Variants in DMD observed in about 807,000 individuals in gnomAD.
DMD encodes the protein mutant dystrophin.
In DMD, 63 loss-of-function variants were observed where a neutral mutation model predicts 330.1. The observed-to-expected ratio is 0.19, with a 90% CI of 0.16 to 0.24. The LOEUF (loss-of-function observed/expected upper bound fraction) is 0.24, where lower values mean the gene tolerates loss of function less well. Among genes scored for constraint, DMD ranks in the 10% least tolerant of loss-of-function variants. DMD has a pLI of 1.00. For missense variants in DMD, 3,344 were observed against 2,684.1 expected (o/e 1.25, Z -5.43); for synonymous variants, 1,223 against 959.8 (o/e 1.27, Z -5.07).
At chrX:32,432,591 T>A (rs1211503432) in intron 29 of DMD, among the ~76,000 whole-genome samples, 1 of 112,144 alleles carries the variant, frequency 8.9e-6, no homozygotes, top group East Asian at 2.8e-4. Flanking sequence ...TAATCAAATC[T>A]ATTTCATAAA....
chrX:32,966,626 T>C (rs2092166463), intron 2 of DMD, among the ~76,000 whole-genome samples: 1 of 111,760 alleles, frequency 8.9e-6, no homozygotes, highest in African/African-American at 3.3e-5. Context: ...TGCGACTTCA[T>C]GCAGACTGAA....
At chrX:31,386,091 C>T (rs1325841986) in intron 60 of DMD, among the ~76,000 whole-genome samples, 1 of 111,939 alleles carries the variant, frequency 8.9e-6, no homozygotes, top group African/African-American at 3.3e-5. Context: ...ATGGATGAAG[C>T]TGGAAACCAT....
intron 2 of DMD, among the ~76,000 whole-genome samples, chrX:32,900,439 G>A (rs12556872): frequency 0.019 from 2,093 of 111,194 alleles, 119 homozygotes; most frequent in Admixed American, 0.16. Context: ...GAATTTCTGG[G>A]CTCAAGCCAT....
chrX:33,020,864 A>G (rs1387702881), intron 1 of DMD, among the ~76,000 whole-genome samples: 1 of 110,801 alleles, frequency 9.0e-6, no homozygotes, highest in Non-Finnish European at 1.9e-5. Context: ...GCCTTTCCCC[A>G]TGCCATCCAC....
intron 44 of DMD, among the ~76,000 whole-genome samples, chrX:31,971,045 A>C (rs1403389368): frequency 1.8e-5 from 2 of 111,332 alleles, no homozygotes; most frequent in African/African-American, 6.5e-5. Context: ...GCGCATACAA[A>C]TCTCCTGGAG....
intron 47 of DMD, among the ~76,000 whole-genome samples, chrX:31,925,549 G>C (rs146304073): frequency 1.0e-3 from 113 of 111,481 alleles, no homozygotes; most frequent in African/African-American, 3.5e-3. Context: ...AACTGGGGCA[G>C]AAAAAGAGTG....
At chrX:31,505,287 T>C (rs1403470850) in intron 56 of DMD, among the ~76,000 whole-genome samples, 1 of 111,842 alleles carries the variant, frequency 8.9e-6, no homozygotes, top group Non-Finnish European at 1.9e-5. Context: ...TTGAAAATGC[T>C]ATTGCCATTG....
intron 1 of DMD, among the ~76,000 whole-genome samples, chrX:33,202,072 T>C (rs778455112): frequency 8.9e-6 from 1 of 112,287 alleles, no homozygotes; most frequent in South Asian, 3.7e-4. Flanking sequence ...ATCTCAGTTT[T>C]TATCTAAGAA....
At chrX:32,398,166 GA>G (rs747911406) in intron 30 of DMD, among the ~76,000 whole-genome samples, 31 of 106,659 alleles carry the variant, frequency 2.9e-4, no homozygotes, top group African/African-American at 8.8e-4. Context: ...TATTTTCATA[GA>G]AAAAAAATGT....
chrX:32,298,528 T>TATATATATATATA (rs1569556403), intron 42 of DMD, among the ~76,000 whole-genome samples: 1 of 109,969 alleles, frequency 9.1e-6, no homozygotes, highest in African/African-American at 3.4e-5. Flanking sequence ...TATATATATG[T>TATATATATATATA]CATGATTCAG....
intron 11 of DMD, among the ~76,000 whole-genome samples, chrX:32,634,307 C>A (rs2058941827): frequency 1.8e-5 from 2 of 111,655 alleles, no homozygotes; most frequent in African/African-American, 6.5e-5. Context: ...ACCCTAGGAG[C>A]CCACTTGATG....
At chrX:32,143,855 T>C (rs1309106255) in intron 44 of DMD, among the ~76,000 whole-genome samples, 3 of 109,815 alleles carry the variant, frequency 2.7e-5, no homozygotes, top group African/African-American at 9.9e-5. Flanking sequence ...CGGCCACAAA[T>C]ACATCTTTAT....
At chrX:32,651,149 T>C (rs75891000) in intron 9 of DMD, among the ~76,000 whole-genome samples, 1 of 109,298 alleles carries the variant, frequency 9.1e-6, no homozygotes, top group Non-Finnish European at 1.9e-5. Context: ...TTTTTTTTTT[T>C]CTGTTTTTTT....
chrX:32,056,077 T>C (rs761952533), intron 44 of DMD, among the ~76,000 whole-genome samples: 8 of 111,407 alleles, frequency 7.2e-5, no homozygotes, highest in Non-Finnish European at 1.3e-4. Flanking sequence ...ATTTGATAAA[T>C]TAAATGATAA....
chrX:31,702,748 T>A (rs776397414), intron 52 of DMD, among the ~76,000 whole-genome samples: 1 of 111,195 alleles, frequency 9.0e-6, no homozygotes, highest in Admixed American at 9.6e-5. Flanking sequence ...GCATTTTTTT[T>A]AAACTCCCCC....
chrX:32,875,959 C>T (rs1329651377), intron 2 of DMD, among the ~76,000 whole-genome samples: 2 of 111,477 alleles, frequency 1.8e-5, no homozygotes, highest in Non-Finnish European at 3.8e-5. Flanking sequence ...ATATTGATTA[C>T]CCCCAAACCA....
At chrX:32,570,235 G>A (rs1449467047) in intron 15 of DMD, among the ~76,000 whole-genome samples, 2 of 111,388 alleles carry the variant, frequency 1.8e-5, no homozygotes, top group Admixed American at 9.6e-5. Flanking sequence ...GGTGACAGAT[G>A]GTACCTGTTT....
intron 16 of DMD, among the ~76,000 whole-genome samples, chrX:32,561,980 C>G (rs2050966610): frequency 9.0e-6 from 1 of 111,574 alleles, no homozygotes; most frequent in African/African-American, 3.3e-5. Flanking sequence ...CTTTTCCAGA[C>G]AAGCAAATGT....
chrX:32,144,605 C>T (rs1448185846), intron 44 of DMD, among the ~76,000 whole-genome samples: 1 of 111,751 alleles, frequency 8.9e-6, no homozygotes, highest in Non-Finnish European at 1.9e-5. Context: ...AAAAAGAGTA[C>T]ACTGATGAGG....
Sources: allele counts gnomAD v4.1 joint callset (sites outside exome capture counted in the v4.1 genomes callset), GRCh38; gene constraint gnomAD v4.1.1; transcripts MANE v1.5; gene names NCBI Gene and HGNC (gene_info 2026-07-23, HGNC 2026-07-21).